The following PCDH15 variants were observed in gnomAD, a reference collection of about 807,000 sequenced individuals.
PCDH15 encodes the protein protocadherin-15.
A neutral mutation model predicts 178.5 loss-of-function variants in PCDH15; 129 were observed. That is an observed-to-expected ratio of 0.72 (90% CI 0.63 to 0.84). The LOEUF (loss-of-function observed/expected upper bound fraction) is 0.84, where lower values mean the gene tolerates loss of function less well. Ranked by LOEUF, PCDH15 falls within the 40% of genes least tolerant of loss-of-function variation. The probability of loss-of-function intolerance (pLI) is 0.00; values close to 1 mark genes in which losing one functional copy is unlikely to be tolerated. For synonymous variants in PCDH15, 800 were observed against 732.0 expected, an observed-to-expected ratio of 1.09 and a Z score of -1.50; for missense variants, 2,230 against 2,099.9, an observed-to-expected ratio of 1.06 and a Z score of -1.21.
At chr10:54,139,780 T>C (rs538818157) in intron 14 of PCDH15, among the ~76,000 whole-genome samples, 1 of 151,986 alleles carries the variant, frequency 6.6e-6, no homozygotes, top group East Asian at 1.9e-4. Context: ...AGAAAACCAA[T>C]AAGTAGAAGA....
intron 2 of PCDH15, among the ~76,000 whole-genome samples, chr10:54,969,165 T>C (rs904642534): frequency 2.0e-5 from 3 of 152,170 alleles, no homozygotes; most frequent in African/African-American, 7.2e-5. Context: ...TTAGACATTA[T>C]ACATTTTACC....
chr10:55,479,939 T>C (rs969788947), intron 2 of PCDH15, among the ~76,000 whole-genome samples: 2 of 151,618 alleles, frequency 1.3e-5, no homozygotes, highest in African/African-American at 4.8e-5. Context: ...AGAATAAATT[T>C]AACAGCTTTG....
intron 27 of PCDH15, among the ~76,000 whole-genome samples, chr10:53,860,709 C>T (rs549515839): frequency 2.7e-4 from 31 of 115,044 alleles, no homozygotes; most frequent in African/African-American, 9.7e-4. Context: ...CCAGTCTGGG[C>T]GAGAGACTCT....
At chr10:54,214,752 G>A (rs1312891032) in intron 9 of PCDH15, among the ~76,000 whole-genome samples, 1 of 152,008 alleles carries the variant, frequency 6.6e-6, no homozygotes, top group Non-Finnish European at 1.5e-5. Flanking sequence ...CACCATGCCT[G>A]GCTATTTTTT....
intron 2 of PCDH15, among the ~76,000 whole-genome samples, chr10:55,482,107 G>A (rs1010430351): frequency 4.0e-5 from 6 of 151,620 alleles, no homozygotes; most frequent in African/African-American, 1.5e-4. Context: ...TTTGATCTTT[G>A]ATGGTTTAAA....
chr10:55,277,431 T>C (rs1269362366), intron 1 of PCDH15, among the ~76,000 whole-genome samples: 1 of 152,120 alleles, frequency 6.6e-6, no homozygotes, highest in Non-Finnish European at 1.5e-5. Context: ...AAGTTAGGGC[T>C]GTTATACAGT....
intron 1 of PCDH15, among the ~76,000 whole-genome samples, chr10:54,795,442 C>T (rs1356711748): frequency 6.6e-6 from 1 of 151,886 alleles, no homozygotes; most frequent in Non-Finnish European, 1.5e-5. Flanking sequence ...CCACCATTCT[C>T]TGCAAAGCAG....
intron 3 of PCDH15, among the ~76,000 whole-genome samples, chr10:54,874,974 A>C (rs2131799391): frequency 6.6e-6 from 1 of 152,298 alleles, no homozygotes; most frequent in South Asian, 2.1e-4. Flanking sequence ...CAAATAGCAA[A>C]TTGATTAAAA....
At chr10:54,942,633 A>G (rs1838093270) in intron 2 of PCDH15, among the ~76,000 whole-genome samples, 1 of 152,028 alleles carries the variant, frequency 6.6e-6, no homozygotes, top group Non-Finnish European at 1.5e-5. Context: ...TGCACACATT[A>G]TAATCTCAGT....
At chr10:54,487,530 C>T (rs1409356816) in intron 3 of PCDH15, among the ~76,000 whole-genome samples, 1 of 151,982 alleles carries the variant, frequency 6.6e-6, no homozygotes. Context: ...CAACTTTTCC[C>T]TTATTAGCTT....
At chr10:55,529,757 A>ATATG (rs1049905164) in intron 2 of PCDH15, among the ~76,000 whole-genome samples, 7 of 131,116 alleles carry the variant, frequency 5.3e-5, no homozygotes, top group African/African-American at 2.0e-4. Context: ...ATATATATAT[A>ATATG]TATATATATA....
At chr10:55,249,073 G>C (rs1240540795) in intron 1 of PCDH15, among the ~76,000 whole-genome samples, 1 of 152,152 alleles carries the variant, frequency 6.6e-6, no homozygotes, top group Non-Finnish European at 1.5e-5. Flanking sequence ...GACTCATTTG[G>C]AAGTAGATAG....
At chr10:54,798,933 G>A (rs1952347426) in intron 1 of PCDH15, among the ~76,000 whole-genome samples, 1 of 152,022 alleles carries the variant, frequency 6.6e-6, no homozygotes, top group African/African-American at 2.4e-5. Context: ...TTACAGAAAG[G>A]GGGAGTACAC....
At chr10:55,398,372 GA>G (rs1837979896) in intron 2 of PCDH15, among the ~76,000 whole-genome samples, 1 of 152,080 alleles carries the variant, frequency 6.6e-6, no homozygotes, top group South Asian at 2.1e-4. Context: ...GGCCAACAAA[GA>G]AGCACTTTGG....
At chr10:55,277,917 A>G (rs970464233) in intron 1 of PCDH15, among the ~76,000 whole-genome samples, 7 of 152,058 alleles carry the variant, frequency 4.6e-5, no homozygotes, top group African/African-American at 1.2e-4. Flanking sequence ...CCCACTGCCA[A>G]TGTCTCAGGT....
chr10:54,237,629 T>A (rs1302703298), intron 8 of PCDH15, among the ~76,000 whole-genome samples: 1 of 152,192 alleles, frequency 6.6e-6, no homozygotes, highest in Admixed American at 6.5e-5. Flanking sequence ...TTGCCAACCA[T>A]ATGGTCTATG....
At chr10:54,231,128 C>G (rs2054017082) in intron 9 of PCDH15, among the ~76,000 whole-genome samples, 1 of 152,194 alleles carries the variant, frequency 6.6e-6, no homozygotes, top group Non-Finnish European at 1.5e-5. Context: ...TGGCAGGTTT[C>G]TCCACCATAG....
At chr10:54,789,707 T>C (rs143799510) in intron 1 of PCDH15, among the ~76,000 whole-genome samples, 1,523 of 152,052 alleles carry the variant, frequency 0.01, 20 homozygotes, top group South Asian at 0.034. Flanking sequence ...AATTTTGAAG[T>C]GCAAATATGT....
At chr10:54,400,103 G>A (rs186070254) in intron 3 of PCDH15, among the ~76,000 whole-genome samples, 1,677 of 152,130 alleles carry the variant, frequency 0.011, 10 homozygotes, top group Non-Finnish European at 0.018. Flanking sequence ...TATCCAAGCG[G>A]AAAAAAATTG....
Sources: gnomAD v4.1 joint callset for allele counts (sites outside exome capture counted in the v4.1 genomes callset) on GRCh38, gnomAD v4.1.1 for gene constraint, MANE v1.5 for transcripts, NCBI Gene and HGNC (gene_info 2026-07-23, HGNC 2026-07-21) for gene names.